The following SLCO1A2 variants were observed in gnomAD, a reference collection of about 807,000 sequenced individuals.
SLCO1A2 encodes the protein solute carrier organic anion transporter family member 1A2.
In SLCO1A2, 67 loss-of-function variants were observed where a neutral mutation model predicts 69.0. That is an observed-to-expected ratio of 0.97 (90% confidence interval 0.80 to 1.19). SLCO1A2 has a LOEUF of 1.19. Ranked by LOEUF, SLCO1A2 falls within the 50% of genes most tolerant of loss-of-function variation. SLCO1A2 has a pLI of 0.00. For missense variants in SLCO1A2, 787 were observed against 793.7 expected (o/e 0.99, Z 0.10); for synonymous variants, 260 against 265.9 (o/e 0.98, Z 0.22).
chr12:21,352,964 T>C (rs1938077625), intron 2 of SLCO1A2, among the ~76,000 whole-genome samples: 1 of 152,210 alleles, frequency 6.6e-6, no homozygotes, highest in Non-Finnish European at 1.5e-5. Flanking sequence ...ACAGTGGTTA[T>C]AAAATAGTTA....
At chr12:21,275,933 C>T (rs1476051645) in intron 12 of SLCO1A2, among the ~76,000 whole-genome samples, 1 of 149,792 alleles carries the variant, frequency 6.7e-6, no homozygotes, top group Non-Finnish European at 1.5e-5. Flanking sequence ...TAGAGCTACA[C>T]TCCATCTCAA....
chr12:21,351,264 C>CA (rs1396671536), intron 2 of SLCO1A2, among the ~76,000 whole-genome samples: 2 of 152,140 alleles, frequency 1.3e-5, no homozygotes, highest in African/African-American at 4.8e-5. Context: ...TCACAAAGTT[C>CA]AATGTTTGCT....
At chr12:21,386,180 G>A (rs1565526542) in intron 1 of SLCO1A2, among the ~76,000 whole-genome samples, 1 of 152,140 alleles carries the variant, frequency 6.6e-6, no homozygotes, top group Non-Finnish European at 1.5e-5. Flanking sequence ...GGAAAGACAG[G>A]ATTTTTGGAA....
chr12:21,297,401 T>C lies in SLCO1A2; in HGVS notation c.1075+3A>G. 1.2e-6 allele frequency: 2 copies of C among 1,607,932 alleles called. No individual in the cohort carries two copies. The highest frequency in any genetic ancestry group is 1.7e-6 in the Non-Finnish European group (2 of 1,175,898). ...CTAGTAAGGCAGAGAAAAACAAACA[T>C]ACCCATTAGAAAGATTGCATCTGAA... On this transcript the variant is annotated splice_donor_region_variant and intron_variant, in intron 9 of 14. Transcript: ENST00000683939.
At chr12:21,274,827 A>C in intron 13 of SLCO1A2, 1 of 771,188 alleles carries the variant, frequency 1.3e-6, no homozygotes, top group East Asian at 4.2e-5. Context: ...ATTGAATTAA[A>C]GATTCTGAAC....
At chr12:21,396,969 G>A (rs867620855), upstream of SLCO1A2, among the ~76,000 whole-genome samples, 43 of 150,682 alleles carry the variant, frequency 2.9e-4, no homozygotes, top group Non-Finnish European at 5.3e-4. Flanking sequence ...ATCAACTAAC[G>A]AGCAAAATAA....
intron 1 of SLCO1A2, among the ~76,000 whole-genome samples, chr12:21,385,904 T>G (rs1169862424): frequency 2.0e-5 from 3 of 152,178 alleles, no homozygotes; most frequent in African/African-American, 7.2e-5. Flanking sequence ...GAACCCCTCC[T>G]GCAGAAAAGC....
chr12:21,266,982 T>C lies in SLCO1A2; in HGVS notation c.*2566A>G, dbSNP rs1250410728. The stretch of plus-strand genomic sequence containing the variant: ...AAATTACTGACTCTCGACTTCTCAC[T>C]ACCTGTTCTCTTGTTTCTCTTCTCC... On this transcript the variant is annotated 3_prime_UTR_variant, in exon 15 of 15. Coordinates refer to ENST00000683939, the MANE Select transcript of SLCO1A2 (RefSeq NM_001386879.1). 1 of 152,114 alleles carries C rather than the reference T, an allele frequency of 6.6e-6. No homozygotes were observed. The highest frequency in any genetic ancestry group is 1.5e-5 in the Non-Finnish European group (1 of 68,012). The allele number at this position is 152,114 out of a possible 1,614,324, so 9.4% of individuals were successfully genotyped here.
At chr12:21,296,792 G>A (rs2136367211) in intron 9 of SLCO1A2, among the ~76,000 whole-genome samples, 1 of 152,332 alleles carries the variant, frequency 6.6e-6, no homozygotes, top group African/African-American at 2.4e-5. Context: ...GATTCAGTGT[G>A]TCTGAGGGGG....
intron 2 of SLCO1A2, among the ~76,000 whole-genome samples, chr12:21,322,702 G>T (rs928828012): frequency 1.3e-5 from 2 of 152,108 alleles, no homozygotes; most frequent in South Asian, 2.1e-4. Flanking sequence ...GTTCTGGTTG[G>T]TTTTTTCCTG....
At chr12:21,272,089 T>C (rs553174600) in intron 14 of SLCO1A2, among the ~76,000 whole-genome samples, 5 of 151,690 alleles carry the variant, frequency 3.3e-5, no homozygotes, top group African/African-American at 1.2e-4. Context: ...GGGAATTTTT[T>C]ATTATAGACT....
intron 2 of SLCO1A2, among the ~76,000 whole-genome samples, chr12:21,342,917 A>G (rs1004309944): frequency 1.3e-5 from 2 of 152,094 alleles, no homozygotes; most frequent in African/African-American, 2.4e-5. Flanking sequence ...ATTAGGACAG[A>G]GAGCAGCTCT....
intron 8 of SLCO1A2, among the ~76,000 whole-genome samples, chr12:21,298,518 A>G (rs1338083271): frequency 6.6e-6 from 1 of 152,206 alleles, no homozygotes. Flanking sequence ...ATTCTGGAAC[A>G]AAATTTCAAT....
chr12:21,267,872 G>A lies in SLCO1A2; in HGVS notation c.*1676C>T, dbSNP rs753989169. 6 of 151,910 alleles carry A rather than the reference G, an allele frequency of 3.9e-5. No individual in the cohort carries two copies. Among genetic ancestry groups the A allele is most frequent in the Admixed American group, 6.6e-5 (1 of 15,216 alleles). 9.4% of individuals were successfully genotyped at this position (151,910 alleles called of 1,614,324 possible). A position where few individuals can be genotyped will look rare whatever the true frequency, so the allele number is the denominator to read the frequency against. ...ATTTCATGTCATCAGATCTTAATAC[G>A]ATATCTCACTGCTGCAGTCATACCT... On this transcript the variant is annotated 3_prime_UTR_variant, in exon 15 of 15. Transcript: ENST00000683939.
chr12:21,384,079 T>C (rs780182263), intron 1 of SLCO1A2, among the ~76,000 whole-genome samples: 69 of 152,178 alleles, frequency 4.5e-4, no homozygotes, highest in Non-Finnish European at 6.6e-4. Context: ...ATGCAAAGTA[T>C]CTGGTATATT....
At chr12:21,303,451 T>C (rs972760104) in intron 6 of SLCO1A2, among the ~76,000 whole-genome samples, 1 of 152,174 alleles carries the variant, frequency 6.6e-6, no homozygotes, top group Non-Finnish European at 1.5e-5. Context: ...GTCACTTGGG[T>C]TAATGATCCC....
chr12:21,391,021 C>A (rs371695184), intron 1 of SLCO1A2, among the ~76,000 whole-genome samples: 15 of 152,240 alleles, frequency 9.9e-5, no homozygotes, highest in African/African-American at 3.4e-4. Flanking sequence ...TCTTTGAACA[C>A]TTACTTGTTT....
chr12:21,377,960 T>C (rs1222895373), intron 1 of SLCO1A2, among the ~76,000 whole-genome samples: 2 of 152,206 alleles, frequency 1.3e-5, no homozygotes, highest in African/African-American at 4.8e-5. Context: ...ACTGTTATTT[T>C]GATTATATGT....
chr12:21,277,079 T>C (rs1477302484), intron 12 of SLCO1A2, among the ~76,000 whole-genome samples: 1 of 152,176 alleles, frequency 6.6e-6, no homozygotes, highest in Non-Finnish European at 1.5e-5. Flanking sequence ...AGGAAGTGCT[T>C]GTGCCACCCT....
Sources: allele counts gnomAD v4.1 joint callset (sites outside exome capture counted in the v4.1 genomes callset), GRCh38; gene constraint gnomAD v4.1.1; transcripts MANE v1.5; gene names NCBI Gene and HGNC (gene_info 2026-07-23, HGNC 2026-07-21).